Variants in IGLL5 observed in about 807,000 individuals in gnomAD.
The protein encoded by IGLL5 is immunoglobulin lambda-like polypeptide 5.
A neutral mutation model predicts 20.9 loss-of-function variants in IGLL5; 30 were observed. That is an observed-to-expected ratio of 1.44 (90% confidence interval 1.07 to 1.95). The LOEUF (loss-of-function observed/expected upper bound fraction) is 1.95, where lower values mean the gene tolerates loss of function less well. IGLL5 is among the 30% of genes most tolerant of loss of function. The pLI, the probability that IGLL5 is intolerant of heterozygous loss-of-function variation, is 0.00. For synonymous variants in IGLL5, 203 were observed against 117.3 expected, an observed-to-expected ratio of 1.73 and a Z score of -4.72; for missense variants, 475 against 270.7, an observed-to-expected ratio of 1.75 and a Z score of -5.30.
At chr22:22,893,948 G>C (rs563220303) in intron 2 of IGLL5, 130 bp downstream of exon 2, 3 of 728,898 alleles carry the variant, frequency 4.1e-6, no homozygotes, top group African/African-American at 1.7e-5. Context: ...TTTCTCCATG[G>C]GGCCTGGAGG....
At position 22,895,598 on chromosome 22, in the gene IGLL5, G is replaced by A. The variant is rs761292005; in HGVS notation, c.549G>A (p.Thr183=). 7.4e-6 allele frequency: 12 copies of A among 1,613,168 alleles called. No homozygotes were observed. The highest frequency in any genetic ancestry group is 6.7e-5 in the African/African-American group (5 of 74,780). ...KYAASSYLSL[T]PEQWKSHRSY... is the part of the protein sequence containing the mutation. ...CGGCCAGCAGCTACCTGAGCCTGACGCCCGAGCAGTGGAAGTCCCACAGAA... is the reference window on the plus strand; with the variant it reads ...CGGCCAGCAGCTACCTGAGCCTGACACCCGAGCAGTGGAAGTCCCACAGAA... Residue 183 remains threonine, a synonymous_variant, in exon 3 of 3, where the codon ACG becomes ACA. Transcript: ENST00000526893.
At chr22:22,889,293 A>C (rs187606894) in intron 1 of IGLL5, among the ~76,000 whole-genome samples, 1 of 151,062 alleles carries the variant, frequency 6.6e-6, no homozygotes, top group African/African-American at 2.4e-5. Context: ...CATGAAGTTG[A>C]AGTGAGGGCT....
Position 22,888,860 on chromosome 22 carries a change from A to T in IGLL5, c.206+601A>T. Among the ~76,000 whole-genome samples the T allele has an allele frequency of 1.3e-5, 2 of 151,404 alleles. 1 individual carries two copies. The highest frequency in any genetic ancestry group is 4.8e-5 in the African/African-American group (2 of 41,334). On this transcript the variant is annotated intron_variant, in intron 1 of 2. Coordinates refer to ENST00000526893, the MANE Select transcript of IGLL5 (RefSeq NM_001178126.2). ...GGCCCATGTTTGGAGCAATAAAGGG[A>T]GAGGGGATCTCCCTCTGGGATGATG...
chr22:22,888,193 G>C lies in IGLL5; in HGVS notation c.140G>C (p.Ser47Thr), dbSNP rs540568540. 1.2e-5 allele frequency: 18 copies of C among 1,548,788 alleles called. No homozygotes were observed. Among genetic ancestry groups the C allele is most frequent in the African/African-American group, 5.5e-5 (4 of 72,906 alleles). Reference sequence around the variant, plus strand: ...CTGCGCCCAATGGTTGCACCGCAAAGCGGGGACCCAGACCCTGGAGCCTCA... The same window carrying C: ...CTGCGCCCAATGGTTGCACCGCAAACCGGGGACCCAGACCCTGGAGCCTCA... ...GLLRPMVAPQ[S>T]GDPDPGASVG... The change falls in exon 1 of 3, where the codon AGC (serine) becomes ACC (threonine). Residue 47 changes from serine to threonine, a missense_variant. By Grantham distance (58) the Ser-to-Thr change is moderately conservative. Coordinates refer to ENST00000526893, the MANE Select transcript of IGLL5 (RefSeq NM_001178126.2).
intron 1 of IGLL5, among the ~76,000 whole-genome samples, chr22:22,889,250 C>A (rs564980054): frequency 6.6e-6 from 1 of 151,110 alleles, no homozygotes; most frequent in Admixed American, 6.6e-5. Flanking sequence ...AGATTCAGAG[C>A]ACCCAGGGGC....
In IGLL5 at chr22:22,888,407, A is replaced by T. The variant is rs148123510; in HGVS notation, c.206+148A>T. The T allele has an allele frequency of 6.2e-5, 40 of 644,564 alleles. 1 individual carries two copies. The highest frequency in any genetic ancestry group is 4.3e-4 in the Middle Eastern group (1 of 2,316). 39.9% of individuals were successfully genotyped at this position (644,564 alleles called of 1,614,324 possible). ...ACACTGGCTTTAGTAATGGGTTGAT[A>T]TTTTGTCCATCACAGATTTGTTTGA... is the stretch of plus-strand genomic sequence containing the variant. On this transcript the variant is annotated intron_variant, in intron 1 of 2. Transcript: ENST00000526893.
At chr22:22,894,441 T>A (rs142825859) in intron 2 of IGLL5, among the ~76,000 whole-genome samples, 3 of 151,334 alleles carry the variant, frequency 2.0e-5, no homozygotes, top group Admixed American at 6.6e-5. Context: ...GGTGCCAGAA[T>A]CCAACCCTCC....
chr22:22,895,432 A>G lies in IGLL5; in HGVS notation c.383A>G (p.Gln128Arg), dbSNP rs1295728807. 1 of 1,612,854 alleles carries G rather than the reference A, an allele frequency of 6.2e-7. No individual in the cohort carries two copies. The highest frequency in any genetic ancestry group is 8.5e-7 in the Non-Finnish European group (1 of 1,179,544). Reference sequence around the variant, plus strand: ...TTCCCGCCCTCCTCTGAGGAGCTCCAAGCCAACAAGGCCACACTAGTGTGT... The same window carrying G: ...TTCCCGCCCTCCTCTGAGGAGCTCCGAGCCAACAAGGCCACACTAGTGTGT... ...TLFPPSSEEL[Q>R]ANKATLVCLI... Residue 128 changes from glutamine to arginine, a missense_variant, in exon 3 of 3, where the codon CAA (glutamine) becomes CGA (arginine). Physicochemically the swap from Gln to Arg is conservative, Grantham distance 43 (BLOSUM62 1). Transcript: ENST00000526893.
chr22:22,894,418 T>C (rs1601626199), intron 2 of IGLL5, among the ~76,000 whole-genome samples: 2 of 151,216 alleles, frequency 1.3e-5, no homozygotes, highest in African/African-American at 2.4e-5. Context: ...GAGGGACGGG[T>C]GAGACTGGGT....
intron 1 of IGLL5, among the ~76,000 whole-genome samples, chr22:22,891,268 G>A (rs1460831116): frequency 6.6e-6 from 1 of 150,660 alleles, no homozygotes; most frequent in African/African-American, 2.4e-5. Context: ...TATTTTTGTG[G>A]ATGTAGGAAT....
In IGLL5 at chr22:22,895,456, G is replaced by A; in HGVS notation, c.407G>A (p.Cys136Tyr). The change falls in exon 3 of 3, where the codon TGT becomes TAT. Residue 136 changes from cysteine (C) to tyrosine (Y), a missense_variant. Physicochemically the swap from Cys to Tyr is radical, Grantham distance 194. Transcript: ENST00000526893. The stretch of plus-strand genomic sequence containing the variant: ...CAAGCCAACAAGGCCACACTAGTGT[G>A]TCTGATCAGTGACTTCTACCCGGGA... Reference protein sequence around the residue: ...ELQANKATLVCLISDFYPGAV... With the variant: ...ELQANKATLVYLISDFYPGAV... The A allele has an allele frequency of 2.5e-6, 4 of 1,612,902 alleles. No individual in the cohort carries two copies. The highest frequency in any genetic ancestry group is 3.4e-6 in the Non-Finnish European group (4 of 1,179,568).
intron 1 of IGLL5, among the ~76,000 whole-genome samples, chr22:22,888,833 A>G (rs556995320): frequency 2.6e-5 from 4 of 151,414 alleles, no homozygotes; most frequent in East Asian, 2.0e-4. Flanking sequence ...GAACAGGCCC[A>G]CGGCCCATGT....
intron 1 of IGLL5, among the ~76,000 whole-genome samples, chr22:22,890,172 A>G (rs1288717624): frequency 6.7e-6 from 1 of 150,306 alleles, no homozygotes; most frequent in Non-Finnish European, 1.5e-5. Flanking sequence ...TGCCAAAAAA[A>G]AAAAAGATTA....
In IGLL5 at chr22:22,893,685, C is replaced by A. The variant is rs143407025; in HGVS notation, c.207-15C>A. ...GCCCCGCCCACTGCAACCCTGTGCC[C>A]GTCATGCCCAGCAGGCTCCTGCTCC... On this transcript the variant is annotated splice_polypyrimidine_tract_variant and intron_variant, in intron 1 of 2. Transcript: ENST00000526893. 2.6e-6 allele frequency: 4 copies of A among 1,566,602 alleles called. No homozygotes were observed. Among genetic ancestry groups the A allele is most frequent in the Non-Finnish European group, 3.5e-6 (4 of 1,144,710 alleles).
At chr22:22,888,419 A>T (rs543924942) in intron 1 of IGLL5, among the ~76,000 whole-genome samples, 160 bp downstream of exon 1, 1 of 151,492 alleles carries the variant, frequency 6.6e-6, no homozygotes, top group African/African-American at 2.4e-5. Context: ...TTTGTCCATC[A>T]CAGATTTGTT....
At chr22:22,888,845 T>C (rs1601604453) in intron 1 of IGLL5, among the ~76,000 whole-genome samples, 4 of 151,406 alleles carry the variant, frequency 2.6e-5, no homozygotes, top group South Asian at 2.1e-4. Context: ...GGCCCATGTT[T>C]GGAGCAATAA....
At chr22:22,894,521 T>G (rs1229434735) in intron 2 of IGLL5, among the ~76,000 whole-genome samples, 1 of 151,394 alleles carries the variant, frequency 6.6e-6, no homozygotes, top group East Asian at 2.0e-4. Context: ...CCCCGTCACC[T>G]CTGGGGCCCA....
intron 2 of IGLL5, among the ~76,000 whole-genome samples, chr22:22,894,915 A>ACACACTGC: frequency 6.6e-6 from 1 of 151,378 alleles, no homozygotes; most frequent in Non-Finnish European, 1.5e-5. Context: ...GGGTCTCCCC[A>ACACACTGC]CACACTGCCT....
At chr22:22,889,981 T>C (rs1359834856) in intron 1 of IGLL5, among the ~76,000 whole-genome samples, 1 of 151,224 alleles carries the variant, frequency 6.6e-6, no homozygotes, top group Non-Finnish European at 1.5e-5. Context: ...GGCTGGCTGA[T>C]GGGATTTCAC....
Sources: allele counts gnomAD v4.1 joint callset (sites outside exome capture counted in the v4.1 genomes callset), GRCh38; gene constraint gnomAD v4.1.1; transcripts MANE v1.5; gene names NCBI Gene and HGNC (gene_info 2026-07-23, HGNC 2026-07-21).